Variants in CNTN1 observed in about 807,000 individuals in gnomAD.
CNTN1 encodes contactin-1.
In CNTN1, 38 loss-of-function variants were observed where a neutral mutation model predicts 126.4. The observed-to-expected ratio is 0.30, with a 90% CI of 0.23 to 0.39. The LOEUF (loss-of-function observed/expected upper bound fraction) is 0.39. Ranked by LOEUF, CNTN1 falls within the 10% of genes least tolerant of loss-of-function variation. The pLI, the probability that CNTN1 is intolerant of heterozygous loss-of-function variation, is 1.00. For synonymous variants in CNTN1, 413 were observed against 422.6 expected, an observed-to-expected ratio of 0.98 and a Z score of 0.28; for missense variants, 1,009 against 1,248.4, an observed-to-expected ratio of 0.81 and a Z score of 2.89.
chr12:40,810,994 G>A (rs1941039651), intron 1 of CNTN1, among the ~76,000 whole-genome samples: 1 of 152,118 alleles, frequency 6.6e-6, no homozygotes, highest in Non-Finnish European at 1.5e-5. Flanking sequence ...CAGAATGAAA[G>A]CCTGTCTCTA....
chr12:40,885,474 G>A (rs1943998179), intron 1 of CNTN1, among the ~76,000 whole-genome samples: 1 of 151,898 alleles, frequency 6.6e-6, no homozygotes. Context: ...GGACTCTAGA[G>A]CTAAACTGCT....
At chr12:40,876,208 A>G (rs550250700) in intron 1 of CNTN1, among the ~76,000 whole-genome samples, 4 of 152,000 alleles carry the variant, frequency 2.6e-5, no homozygotes, top group African/African-American at 4.8e-5. Flanking sequence ...AAGGAAATTA[A>G]TATCTGTATG....
chr12:40,899,535 C>A (rs1300019909), intron 1 of CNTN1, among the ~76,000 whole-genome samples: 1 of 152,172 alleles, frequency 6.6e-6, no homozygotes, highest in Non-Finnish European at 1.5e-5. Flanking sequence ...AAGAGACAGA[C>A]TATTAAATAT....
At chr12:40,875,503 A>G (rs925507784) in intron 1 of CNTN1, among the ~76,000 whole-genome samples, 2 of 152,252 alleles carry the variant, frequency 1.3e-5, no homozygotes. Context: ...ATATAAATGG[A>G]AAGTCAATTC....
intron 1 of CNTN1, among the ~76,000 whole-genome samples, chr12:40,797,181 A>G (rs946269302): frequency 7.2e-5 from 11 of 152,130 alleles, no homozygotes; most frequent in Non-Finnish European, 1.6e-4. Flanking sequence ...GTGATCCCAG[A>G]CATCAGGAAA....
chr12:41,020,220 T>A, intron 19 of CNTN1, 117 bp from the exon 20 acceptor site: 1 of 644,468 alleles, frequency 1.6e-6, no homozygotes, highest in South Asian at 2.1e-5. Context: ...GTAAAGCTAT[T>A]TTAGAAACAT....
intron 2 of CNTN1, among the ~76,000 whole-genome samples, chr12:40,908,909 T>C (rs546798673): frequency 6.6e-6 from 1 of 152,212 alleles, no homozygotes; most frequent in African/African-American, 2.4e-5. Context: ...ATATAAAATA[T>C]AGTAAATAAA....
intron 7 of CNTN1, among the ~76,000 whole-genome samples, chr12:40,930,596 G>C (rs980822062): frequency 1.3e-5 from 2 of 151,842 alleles, no homozygotes; most frequent in African/African-American, 4.8e-5. Context: ...AAAAAGCACT[G>C]CTGCTTAAGA....
At chr12:40,854,202 A>C (rs772472329) in intron 1 of CNTN1, among the ~76,000 whole-genome samples, 6 of 151,996 alleles carry the variant, frequency 3.9e-5, no homozygotes, top group Non-Finnish European at 5.9e-5. Flanking sequence ...TTAAATTAAA[A>C]ATATGCAAAT....
chr12:40,929,051 G>T (rs1273004996), intron 6 of CNTN1, among the ~76,000 whole-genome samples: 1 of 151,864 alleles, frequency 6.6e-6, no homozygotes, highest in Non-Finnish European at 1.5e-5. Flanking sequence ...TTGTCTCCTT[G>T]TGTATTTGTT....
rs35277330 is a variant in CNTN1 at position 40,894,936 on chromosome 12, TG to T, written c.-76-13419del. Among the ~76,000 whole-genome samples the T allele has an allele frequency of 8.7e-3, 1,326 of 152,280 alleles. 14 individuals are homozygous for T. Among genetic ancestry groups the T allele is most frequent in the African/African-American group, 0.029 (1,220 of 41,572 alleles). On this transcript the variant is annotated intron_variant, in intron 1 of 23. Transcript: ENST00000551295. ...TTTGAGAAGTGTTCTAACTTCTCAG[TG>T]GAATAAAGAAGAGGGGAAAGAACAT...
chr12:40,981,593 C>T (rs1947824070), intron 16 of CNTN1, among the ~76,000 whole-genome samples: 1 of 152,008 alleles, frequency 6.6e-6, no homozygotes, highest in Non-Finnish European at 1.5e-5. Context: ...GATCTTTCAA[C>T]CTTTTTCTTT....
intron 23 of CNTN1, among the ~76,000 whole-genome samples, chr12:41,058,660 A>G (rs1388083005): frequency 6.6e-6 from 1 of 152,144 alleles, no homozygotes; most frequent in Non-Finnish European, 1.5e-5. Context: ...CCATGAAACT[A>G]TGACTAAGGA....
intron 6 of CNTN1, among the ~76,000 whole-genome samples, chr12:40,926,017 T>A (rs540097315): frequency 6.6e-6 from 1 of 151,702 alleles, no homozygotes; most frequent in Non-Finnish European, 1.5e-5. Context: ...CTTATGAGTA[T>A]TTGTTATACA....
At chr12:40,927,626 A>T (rs1029410100) in intron 6 of CNTN1, among the ~76,000 whole-genome samples, 3 of 152,150 alleles carry the variant, frequency 2.0e-5, no homozygotes, top group African/African-American at 7.2e-5. Context: ...GTCCAAGTGA[A>T]TGGCTTTAAA....
Position 40,959,247 on chromosome 12 carries a change from A to G in CNTN1, c.1804+13A>G, listed in dbSNP as rs757806656. The G allele has an allele frequency of 6.2e-7, 1 of 1,611,974 alleles. No homozygotes were observed. The highest frequency in any genetic ancestry group is 1.1e-5 in the South Asian group (1 of 91,058). ...CTTGTAGTGAGAGGTAAGAGTTTCA[A>G]CATTTTAAAATTACAAAACCAAAAG... On this transcript the variant is annotated intron_variant, in intron 15 of 23. Coordinates refer to ENST00000551295, the MANE Select transcript of CNTN1 (RefSeq NM_001843.4).
intron 1 of CNTN1, among the ~76,000 whole-genome samples, chr12:40,812,977 A>ATTCC (rs143234701): frequency 0.02 from 2,936 of 145,890 alleles, 116 homozygotes; most frequent in African/African-American, 0.069. Context: ...TTGAAAATCA[A>ATTCC]TTCCTTCCTT....
chr12:40,699,687 A>C (rs982350202), intron 1 of CNTN1, among the ~76,000 whole-genome samples: 1 of 152,228 alleles, frequency 6.6e-6, no homozygotes, highest in Non-Finnish European at 1.5e-5. Context: ...GGTCACATGC[A>C]TAGCCTTATT....
chr12:41,023,714 A>G lies in CNTN1; in HGVS notation c.2524-1436A>G, dbSNP rs571136204. On this transcript the variant is annotated intron_variant, in intron 20 of 23. Coordinates refer to ENST00000551295, the MANE Select transcript of CNTN1 (RefSeq NM_001843.4). ...ACAATCCTGTATAGTCTACTCAAAT[A>G]TTTTTAAAGTTTAAATTATTATGGT... Among the ~76,000 whole-genome samples the G allele has an allele frequency of 2.6e-5, 4 of 152,328 alleles. No homozygotes were observed. The East Asian group carries it at 7.7e-4, about 29-fold the overall frequency.
Sources: allele counts gnomAD v4.1 joint callset (sites outside exome capture counted in the v4.1 genomes callset), GRCh38; gene constraint gnomAD v4.1.1; transcripts MANE v1.5; gene names NCBI Gene and HGNC (gene_info 2026-07-23, HGNC 2026-07-21).